Variants in ITGB5 observed in about 807,000 individuals in gnomAD.
ITGB5 encodes the protein integrin subunit beta 5, also known as integrin beta-5.
In ITGB5, 38 loss-of-function variants were observed where a neutral mutation model predicts 84.8. The observed-to-expected ratio is 0.45, with a 90% confidence interval of 0.35 to 0.59. ITGB5 has a LOEUF of 0.59. Among genes scored for constraint, ITGB5 ranks in the 20% least tolerant of loss-of-function variants. The pLI, the probability that ITGB5 is intolerant of heterozygous loss-of-function variation, is 0.01. For synonymous variants in ITGB5, 393 were observed against 414.4 expected (o/e 0.95, Z 0.63); for missense variants, 905 against 1,034.5 (o/e 0.87, Z 1.72).
intron 5 of ITGB5, among the ~76,000 whole-genome samples, chr3:124,822,011 GC>G (rs939281356): frequency 5.9e-5 from 9 of 152,192 alleles, no homozygotes; most frequent in African/African-American, 1.9e-4. Flanking sequence ...TGTAAAACCT[GC>G]CGTCTATTCT....
chr3:124,831,546 C>T (rs1363630353), intron 5 of ITGB5, among the ~76,000 whole-genome samples: 3 of 152,186 alleles, frequency 2.0e-5, no homozygotes, highest in Non-Finnish European at 4.4e-5. Context: ...GGAAAGCCAA[C>T]GTCCCACTCA....
intron 5 of ITGB5, among the ~76,000 whole-genome samples, chr3:124,831,234 A>G (rs2064856214): frequency 6.6e-6 from 1 of 152,054 alleles, no homozygotes; most frequent in Non-Finnish European, 1.5e-5. Context: ...GTCTGTCTTA[A>G]ACACAGCTCC....
chr3:124,784,786 A>G (rs1219048186), intron 10 of ITGB5, among the ~76,000 whole-genome samples: 2 of 152,250 alleles, frequency 1.3e-5, no homozygotes, highest in Admixed American at 1.3e-4. Flanking sequence ...CCTGGCAGGC[A>G]CTTCTGGGGA....
upstream of ITGB5, among the ~76,000 whole-genome samples, chr3:124,891,593 CA>C (rs59385283): frequency 0.038 from 3,983 of 103,618 alleles, 176 homozygotes; most frequent in African/African-American, 0.13. Flanking sequence ...ATAACTGCCT[CA>C]AAAAAAAAAA....
intron 9 of ITGB5, among the ~76,000 whole-genome samples, chr3:124,799,592 T>C (rs2064285958): frequency 6.6e-6 from 1 of 152,092 alleles, no homozygotes. Context: ...AAAACACTAA[T>C]AATTATTAGT....
At position 124,800,195 on chromosome 3, in the gene ITGB5, C is replaced by G. The variant is rs943278708; in HGVS notation, c.1264-3378G>C. 3.7e-4 allele frequency among the ~76,000 whole-genome samples: 56 copies of G among 152,272 alleles called. 1 individual carries two copies. Among genetic ancestry groups the G allele is most frequent in the Middle Eastern group, 3.4e-3 (1 of 294 alleles). ...CCTGTACTTCTAGGGCTACAACTTG[C>G]TGGACTTGTGCTCCACAGAGGCATC... On this transcript the variant is annotated intron_variant, in intron 9 of 14. Coordinates refer to ENST00000296181, the MANE Select transcript of ITGB5 (RefSeq NM_002213.5).
In ITGB5 at chr3:124,777,004, G is replaced by GT. The variant is rs3836311; in HGVS notation, c.1694-3093_1694-3092insA. Among the ~76,000 whole-genome samples, 301 of 152,220 alleles carry GT rather than the reference G, an allele frequency of 2.0e-3. 1 individual carries two copies. The highest frequency in any genetic ancestry group is 7.1e-3 in the African/African-American group (296 of 41,546). ...GCTCTTCATTTCCCCTGGGATGGCT[G>GT]GGGGGCAGGGAAGCCTAGCTGCTTT... On this transcript the variant is annotated intron_variant, in intron 10 of 14. Coordinates refer to ENST00000296181, the MANE Select transcript of ITGB5 (RefSeq NM_002213.5).
intron 12 of ITGB5, among the ~76,000 whole-genome samples, chr3:124,768,495 C>T (rs1253946225): frequency 6.6e-6 from 1 of 152,216 alleles, no homozygotes; most frequent in African/African-American, 2.4e-5. Context: ...TTCATATGAA[C>T]AGAACCATAT....
In ITGB5 at chr3:124,820,067, C is replaced by T. The variant is rs750357682; in HGVS notation, c.943-233G>A. On this transcript the variant is annotated intron_variant, in intron 6 of 14. Transcript: ENST00000296181. ...TGGCATTCACCAAACTAGATTCACT[C>T]CTCTCACCCCAGAGTGGAGAGGTGA... is the stretch of plus-strand genomic sequence containing the variant. 6.4e-4 allele frequency among the ~76,000 whole-genome samples: 97 copies of T among 152,316 alleles called. 1 individual carries two copies. Among genetic ancestry groups the T allele is most frequent in the Admixed American group, 2.4e-3 (37 of 15,302 alleles).
chr3:124,785,403 G>A (rs2064066469), intron 10 of ITGB5, among the ~76,000 whole-genome samples: 1 of 151,892 alleles, frequency 6.6e-6, no homozygotes, highest in South Asian at 2.1e-4. Context: ...CCAACATAGT[G>A]AAACTCTGTC....
At chr3:124,901,411 T>C (rs941554987) in exon 1 of ITGB5, 4 of 151,594 alleles carry the variant, frequency 2.6e-5, no homozygotes, top group African/African-American at 9.7e-5. Context: ...AATAATAAAA[T>C]GAAAGTTAAT....
In ITGB5 at chr3:124,764,016, A is replaced by C. The variant is rs555239191; in HGVS notation, c.2305-298T>G. On this transcript the variant is annotated intron_variant, in intron 14 of 14. Transcript: ENST00000296181. ...GGTTCAGCAGAAACTGACTGCGCTC[A>C]GTCCTCTGGGCATTTGCAGTCTGCC... is the stretch of plus-strand genomic sequence containing the variant. 4.1e-4 allele frequency among the ~76,000 whole-genome samples: 62 copies of C among 152,372 alleles called. 1 individual carries two copies. The highest frequency in any genetic ancestry group is 1.4e-3 in the African/African-American group (57 of 41,590).
chr3:124,847,299 A>T (rs1186334222), intron 4 of ITGB5, among the ~76,000 whole-genome samples: 1 of 152,230 alleles, frequency 6.6e-6, no homozygotes, highest in Non-Finnish European at 1.5e-5. Context: ...CATAATCTTG[A>T]CATTTAAAGA....
In ITGB5 at chr3:124,884,472, G is replaced by A. The variant is rs149581283; in HGVS notation, c.70+2459C>T. Among the ~76,000 whole-genome samples the A allele has an allele frequency of 9.4e-3, 1,436 of 152,178 alleles. 31 individuals are homozygous for A. The highest frequency in any genetic ancestry group is 0.032 in the African/African-American group (1,337 of 41,510). On this transcript the variant is annotated intron_variant, in intron 1 of 14. Coordinates refer to ENST00000296181, the MANE Select transcript of ITGB5 (RefSeq NM_002213.5). ...TCCTAGCATTTTGGGAGGCCGAGGC[G>A]GGCGGATCACCTGAGGTTGGGAGTT...
Position 124,811,264 on chromosome 3 carries a change from T to G in ITGB5, c.1129-2108A>C, listed in dbSNP as rs535109800. Among the ~76,000 whole-genome samples, 293 of 152,290 alleles carry G rather than the reference T, an allele frequency of 1.9e-3. 2 individuals are homozygous for G. Among genetic ancestry groups the G allele is most frequent in the Non-Finnish European group, 3.7e-3 (255 of 68,018 alleles). ...CTGTATCATAGATCTCTCTGTGACT[T>G]AGTACAATCTGTCGTTGAATGAATA... On this transcript the variant is annotated intron_variant, in intron 8 of 14. Transcript: ENST00000296181.
At chr3:124,786,968 C>T (rs1414211985) in intron 10 of ITGB5, among the ~76,000 whole-genome samples, 1 of 152,190 alleles carries the variant, frequency 6.6e-6, no homozygotes, top group Non-Finnish European at 1.5e-5. Flanking sequence ...GAAAAGTTTC[C>T]AGCATGTTAT....
At chr3:124,873,366 G>T in intron 2 of ITGB5, 80 bp downstream of exon 2, 1 of 907,650 alleles carries the variant, frequency 1.1e-6, no homozygotes, top group Admixed American at 1.7e-5. Flanking sequence ...GTGAATTAGT[G>T]TGTTGTGGTG....
In ITGB5 at chr3:124,771,748, CAAAAAA is replaced by C. The variant is rs59189728; in HGVS notation, c.1916+1936_1916+1941del. On this transcript the variant is annotated intron_variant, in intron 11 of 14. Coordinates refer to ENST00000296181, the MANE Select transcript of ITGB5 (RefSeq NM_002213.5). ...GGGTGGCGGGAGTGAGACCCTGTCT[CAAAAAA>C]AAAAAAAAAAAAAGGAATCGTGATA... is the stretch of plus-strand genomic sequence containing the variant. Among the ~76,000 whole-genome samples the C allele has an allele frequency of 2.6e-3, 182 of 69,182 alleles. 6 individuals carry two copies. Among genetic ancestry groups the C allele is most frequent in the African/African-American group, 8.9e-3 (167 of 18,860 alleles). 45.4% of individuals were successfully genotyped at this position (69,182 alleles called of 152,430 possible).
At chr3:124,864,744 T>C (rs1390595809) in intron 2 of ITGB5, among the ~76,000 whole-genome samples, 5 of 151,404 alleles carry the variant, frequency 3.3e-5, no homozygotes, top group Admixed American at 1.3e-4. Context: ...AACATGAAAG[T>C]TGAAAAAAAA....
Sources: allele counts gnomAD v4.1 joint callset (sites outside exome capture counted in the v4.1 genomes callset), GRCh38; gene constraint gnomAD v4.1.1; transcripts MANE v1.5; gene names NCBI Gene and HGNC (gene_info 2026-07-23, HGNC 2026-07-21).